Variants in ITGB2 observed in about 807,000 individuals in gnomAD.
ITGB2 encodes the protein integrin beta-2.
A neutral mutation model predicts 86.8 loss-of-function variants in ITGB2; 56 were observed. The ratio of observed to expected loss-of-function variants is 0.65; its 90% CI spans 0.52 to 0.81. The LOEUF is 0.81. ITGB2 is among the 30% of genes least tolerant of loss of function. The probability of loss-of-function intolerance (pLI) is 0.00; values close to 1 mark genes in which losing one functional copy is unlikely to be tolerated. For synonymous variants in ITGB2, 457 were observed against 450.4 expected (o/e 1.01, Z -0.19); for missense variants, 948 against 1,061.2 (o/e 0.89, Z 1.48).
chr21:44,900,806 C>T (rs79249663), intron 6 of ITGB2, among the ~76,000 whole-genome samples: 2,190 of 152,334 alleles, frequency 0.014, 24 homozygotes, highest in Middle Eastern at 0.051. Context: ...CCCTCGCAGA[C>T]GTGTGGGCCA....
intron 7 of ITGB2, 21 bp downstream of exon 7, chr21:44,900,285 CAGGCGGTGCCTGGG>C: frequency 6.2e-7 from 1 of 1,614,016 alleles, no homozygotes; most frequent in East Asian, 2.2e-5. Flanking sequence ...GGTGTCCTGC[CAGGCGGTGCCTGGG>C]TGCCTGGGGT....
rs114852050 is a variant in ITGB2 at position 44,898,959 on chromosome 21, C to T, written c.993+108G>A. 1.5e-3 allele frequency: 1,335 copies of T among 917,196 alleles called. 13 individuals carry two copies. The African/African-American group carries it at 0.018, about 12-fold the overall frequency. The allele number at this position is 917,196 out of a possible 1,614,324, so 56.8% of individuals were successfully genotyped here. On this transcript the variant is annotated intron_variant, in intron 8 of 15. Transcript: ENST00000652462. Reference sequence around the variant, plus strand: ...AGGACCTGGGCCGGCTGGTTGCTCACGTGCCCAGCATGCAGAGGTGGCGCT... The same window carrying T: ...AGGACCTGGGCCGGCTGGTTGCTCATGTGCCCAGCATGCAGAGGTGGCGCT...
At chr21:44,895,178 C>T (rs1466820287) in intron 8 of ITGB2, 118 bp from the exon 9 acceptor site, 3 of 760,642 alleles carry the variant, frequency 3.9e-6, no homozygotes, top group Admixed American at 1.9e-5. Context: ...GTCCTCAACG[C>T]AGTTTTGCAC....
intron 6 of ITGB2, among the ~76,000 whole-genome samples, chr21:44,900,701 G>A (rs1333351113): frequency 6.6e-6 from 1 of 152,196 alleles, no homozygotes; most frequent in Non-Finnish European, 1.5e-5. Flanking sequence ...GGGAGTGGAG[G>A]CACGTGTGGA....
At chr21:44,895,547 C>CA (rs968362001) in intron 8 of ITGB2, among the ~76,000 whole-genome samples, 6 of 146,396 alleles carry the variant, frequency 4.1e-5, no homozygotes, top group Non-Finnish European at 6.0e-5. Flanking sequence ...CAAAACAAAA[C>CA]AAAAAAAACC....
At chr21:44,915,190 A>AT (rs904025150) in intron 1 of ITGB2, among the ~76,000 whole-genome samples, 7 of 151,954 alleles carry the variant, frequency 4.6e-5, no homozygotes, top group Non-Finnish European at 7.4e-5. Flanking sequence ...CGCCCAGCTA[A>AT]TTTTTTTGTG....
At position 44,900,096 on chromosome 21, in the gene ITGB2, G is replaced by A. The variant is rs148946178; in HGVS notation, c.897+224C>T. Among the ~76,000 whole-genome samples the A allele has an allele frequency of 4.4e-3, 665 of 152,326 alleles. 2 individuals are homozygous for A. The highest frequency in any genetic ancestry group is 7.0e-3 in the Non-Finnish European group (477 of 68,024). ...AACAGAGCCTGGGTGTCCCACAAGGGCGAGGCCGGGCCTCAGCCTGGCTGC... is the reference window on the plus strand; with the variant it reads ...AACAGAGCCTGGGTGTCCCACAAGGACGAGGCCGGGCCTCAGCCTGGCTGC... On this transcript the variant is annotated intron_variant, in intron 7 of 15. Coordinates refer to ENST00000652462, the MANE Select transcript of ITGB2 (RefSeq NM_000211.5).
In ITGB2 at chr21:44,888,863, C is replaced by G. The variant is rs867330493; in HGVS notation, c.1910G>C (p.Gly637Ala). 3 of 1,608,454 alleles carry G rather than the reference C, an allele frequency of 1.9e-6. No individual in the cohort carries two copies. Among genetic ancestry groups the G allele is most frequent in the Non-Finnish European group, 2.5e-6 (3 of 1,179,930 alleles). ...CGCGCTGCAGTTCTTCCCAAAGGGG[C>G]CCTTTTCGAACTTCAGGCACTCGGC... ...SCAECLKFEK[G>A]PFGKNCSAAC... Residue 637 changes from glycine (G) to alanine (A), a missense_variant, in exon 14 of 16, where the codon GGC becomes GCC. By Grantham distance (60) the Gly-to-Ala change is moderately conservative. Transcript: ENST00000652462.
chr21:44,887,946 T>C lies in ITGB2; in HGVS notation c.2080+747A>G, dbSNP rs80276674. Among the ~76,000 whole-genome samples the C allele has an allele frequency of 2.7e-3, 411 of 152,296 alleles. 1 individual carries two copies. The highest frequency in any genetic ancestry group is 4.7e-3 in the Admixed American group (72 of 15,304). Reference sequence around the variant, plus strand: ...GTCCTGGCCGGCTGCTGGCCATGCCTGATGGAGTCCGCCAGCGGCCCCCCA... The same window carrying C: ...GTCCTGGCCGGCTGCTGGCCATGCCCGATGGAGTCCGCCAGCGGCCCCCCA... On this transcript the variant is annotated intron_variant, in intron 14 of 15. Transcript: ENST00000652462.
upstream of ITGB2, among the ~76,000 whole-genome samples, chr21:44,925,627 A>G (rs1398153586): frequency 6.6e-6 from 1 of 152,222 alleles, no homozygotes; most frequent in African/African-American, 2.4e-5. Context: ...AGTAGAATCC[A>G]GAGTCTTATT....
intron 14 of ITGB2, 109 bp downstream of exon 14, chr21:44,888,584 G>C: frequency 7.9e-7 from 1 of 1,270,546 alleles, no homozygotes; most frequent in Non-Finnish European, 1.1e-6. Flanking sequence ...CACCCTGCTG[G>C]GCCCACAACA....
chr21:44,920,869 C>A lies in ITGB2; in HGVS notation c.-52G>T, dbSNP rs2084294401. The A allele has an allele frequency of 6.6e-6, 1 of 152,570 alleles. No homozygotes were observed. The highest frequency in any genetic ancestry group is 2.4e-5 in the African/African-American group (1 of 41,452). 9.5% of individuals were successfully genotyped at this position (152,570 alleles called of 1,614,324 possible). ...CGGTGCTCCTGGCTGGGCGTGGGGG[C>A]TTTGCTACCAGTCTGCCCTGGGTCA... On this transcript the variant is annotated 5_prime_UTR_variant, in exon 1 of 16. Coordinates refer to ENST00000652462, the MANE Select transcript of ITGB2 (RefSeq NM_000211.5).
chr21:44,906,166 CTCCCTCCCT>C, intron 4 of ITGB2, among the ~76,000 whole-genome samples: 1 of 103,634 alleles, frequency 9.6e-6, no homozygotes, highest in South Asian at 2.8e-4. Context: ...CCTCCCTTCC[CTCCCTCCCT>C]TCCCTCCCCT....
intron 14 of ITGB2, 137 bp downstream of exon 14, chr21:44,888,556 C>T: frequency 1.0e-6 from 1 of 981,712 alleles, no homozygotes; most frequent in Admixed American, 2.0e-5. Context: ...ATGCCAAGGG[C>T]ATCCCGCATG....
In ITGB2 at chr21:44,907,084, C is replaced by A. The variant is rs200150384; in HGVS notation, c.159G>T (p.Gly53=). 1.2e-6 allele frequency: 2 copies of A among 1,602,056 alleles called. No homozygotes were observed. Among genetic ancestry groups the A allele is most frequent in the Non-Finnish European group, 8.5e-7 (1 of 1,171,856 alleles). ...CTWCQKLNFT[G]PGDPDSIRCD... ...AGCGAATGGAGTCAGGATCCCCCGG[C>A]CCTGTGAAGTTCTGGGGAGGGGGAG... Residue 53 remains glycine (G), a synonymous_variant, in exon 4 of 16, where the codon GGG becomes GGT. Coordinates refer to ENST00000652462, the MANE Select transcript of ITGB2 (RefSeq NM_000211.5).
rs545127284 is a variant in ITGB2, at chr21:44,916,075, A to G, written c.-4+4746T>C. Among the ~76,000 whole-genome samples, 131 of 152,216 alleles carry G rather than the reference A, an allele frequency of 8.6e-4. 1 individual carries two copies. Among genetic ancestry groups the G allele is most frequent in the Admixed American group, 4.4e-3 (68 of 15,302 alleles). On this transcript the variant is annotated intron_variant, in intron 1 of 15. Coordinates refer to ENST00000652462, the MANE Select transcript of ITGB2 (RefSeq NM_000211.5). Reference sequence around the variant, plus strand: ...GTAGCTGGGACTATAGGTGCACACCACTAGGCCCAGCTAATTTTTGTATTT... The same window carrying G: ...GTAGCTGGGACTATAGGTGCACACCGCTAGGCCCAGCTAATTTTTGTATTT...
At chr21:44,896,548 C>G (rs916057480) in intron 8 of ITGB2, among the ~76,000 whole-genome samples, 1 of 151,920 alleles carries the variant, frequency 6.6e-6, no homozygotes, top group Admixed American at 6.6e-5. Flanking sequence ...TGGGCCCAGT[C>G]CCTTCCATGG....
At position 44,900,438 on chromosome 21, in the gene ITGB2, A is replaced by G. The variant is rs1601302503; in HGVS notation, c.779T>C (p.Val260Ala). 1 of 1,613,800 alleles carries G rather than the reference A, an allele frequency of 6.2e-7. No homozygotes were observed. Among genetic ancestry groups the G allele is most frequent in the Admixed American group, 1.7e-5 (1 of 60,006 alleles). The change falls in exon 7 of 16, where the codon GTG (valine) becomes GCG (alanine). Residue 260 changes from valine (V) to alanine (A), a missense_variant. By Grantham distance (64) the Val-to-Ala change is moderately conservative. Coordinates refer to ENST00000652462, the MANE Select transcript of ITGB2 (RefSeq NM_000211.5). ...ATGGAAGCCGTCATCAGTGGCAAAC[A>G]CCAGCAGCCGCGTGACGTTGCGCCA... ...IGWRNVTRLL[V>A]FATDDGFHFA...
intron 1 of ITGB2, chr21:44,927,976 G>C (rs1397575177): frequency 6.6e-6 from 1 of 152,288 alleles, no homozygotes; most frequent in Non-Finnish European, 1.5e-5. Flanking sequence ...GCTGCGAGAA[G>C]CTGGGGGCAG....
Sources: gnomAD v4.1 joint callset for allele counts (sites outside exome capture counted in the v4.1 genomes callset) on GRCh38, gnomAD v4.1.1 for gene constraint, MANE v1.5 for transcripts, NCBI Gene and HGNC (gene_info 2026-07-23, HGNC 2026-07-21) for gene names.